The following FLI1 variants were observed in gnomAD, a reference collection of about 807,000 sequenced individuals.
The protein encoded by FLI1 is Friend leukemia integration 1 transcription factor.
FLI1 carries 13 observed loss-of-function variants against 53.1 expected under a neutral mutation model. The observed-to-expected ratio is 0.24, with a 90% CI of 0.16 to 0.39. The LOEUF (loss-of-function observed/expected upper bound fraction) is 0.39. Among genes scored for constraint, FLI1 ranks in the 10% least tolerant of loss-of-function variants. The pLI is 1.00. For synonymous variants in FLI1, 244 were observed against 236.7 expected (o/e 1.03, Z -0.28); for missense variants, 424 against 600.5 (o/e 0.71, Z 3.07).
chr11:128,713,830 T>G (rs1327262902), intron 1 of FLI1, among the ~76,000 whole-genome samples: 3 of 152,122 alleles, frequency 2.0e-5, no homozygotes, highest in Admixed American at 1.3e-4. Context: ...AAGTCTTTAC[T>G]GGATGAGTGA....
intron 1 of FLI1, chr11:128,695,933 C>T (rs754472298): frequency 1.3e-5 from 2 of 152,228 alleles, no homozygotes; most frequent in Non-Finnish European, 2.9e-5. Flanking sequence ...TCTTCTGATC[C>T]AGAAGGGTGG....
intron 1 of FLI1, among the ~76,000 whole-genome samples, chr11:128,757,088 CTTTCTTTCTTTCTT>C (rs1397143882): frequency 1.3e-3 from 194 of 147,196 alleles, no homozygotes; most frequent in East Asian, 9.8e-3. Flanking sequence ...TTCTTTCTTT[CTTTCTTTCTTTCTT>C]TCTTTCTTTC....
upstream of FLI1, chr11:128,693,514 C>A (rs917340086): frequency 5.7e-6 from 1 of 176,628 alleles, no homozygotes; most frequent in Non-Finnish European, 1.2e-5. Context: ...TCCCTCCATA[C>A]CCCCCCTACC....
chr11:128,732,802 C>G (rs1269290820), intron 1 of FLI1, among the ~76,000 whole-genome samples: 1 of 152,214 alleles, frequency 6.6e-6, no homozygotes, highest in African/African-American at 2.4e-5. Context: ...AGTAAATGAT[C>G]TCTTGGGCTT....
chr11:128,698,039 A>T (rs1938162593), intron 1 of FLI1, among the ~76,000 whole-genome samples: 2 of 152,204 alleles, frequency 1.3e-5, no homozygotes, highest in African/African-American at 4.8e-5. Flanking sequence ...TTAACTCCAG[A>T]AGAGTACAGC....
chr11:128,785,847 A>G (rs1307544447), intron 5 of FLI1, among the ~76,000 whole-genome samples: 1 of 152,186 alleles, frequency 6.6e-6, no homozygotes, highest in Non-Finnish European at 1.5e-5. Context: ...CAAGGAGTGG[A>G]AATAGGGTGT....
rs1310564760 is a variant in FLI1 at position 128,756,044 on chromosome 11, A to G, written c.19-2071A>G. On this transcript the variant is annotated intron_variant, in intron 1 of 8. Transcript: ENST00000527786. ...GGCATATGAAGAGCATTCATTCTGA[A>G]GAAGACATTCAATTCAGGAATGTGA... Among the ~76,000 whole-genome samples, 4 of 152,346 alleles carry G rather than the reference A, an allele frequency of 2.6e-5. No homozygotes were observed. In the East Asian group the frequency reaches 7.7e-4, roughly 29 times the overall value.
chr11:128,764,396 G>A (rs1244955238), intron 2 of FLI1, among the ~76,000 whole-genome samples: 1 of 152,222 alleles, frequency 6.6e-6, no homozygotes, highest in East Asian at 1.9e-4. Flanking sequence ...CTCTGCTGTG[G>A]CCTCTGTCGC....
chr11:128,766,164 G>C (rs1274208104), intron 2 of FLI1, among the ~76,000 whole-genome samples: 1 of 152,158 alleles, frequency 6.6e-6, no homozygotes. Flanking sequence ...CAGTGCACTC[G>C]GGCCAGAGCT....
At chr11:128,766,108 G>T (rs572817463) in intron 2 of FLI1, among the ~76,000 whole-genome samples, 1 of 152,336 alleles carries the variant, frequency 6.6e-6, no homozygotes, top group South Asian at 2.1e-4. Flanking sequence ...GCATGCATGT[G>T]TGTGAGTGTG....
At chr11:128,727,786 C>T (rs1051565171) in intron 1 of FLI1, among the ~76,000 whole-genome samples, 2 of 152,190 alleles carry the variant, frequency 1.3e-5, no homozygotes, top group Non-Finnish European at 2.9e-5. Flanking sequence ...ACCTCATGAG[C>T]CAGTTCCAGC....
chr11:128,720,912 TTGTC>T (rs1307813072), intron 1 of FLI1, among the ~76,000 whole-genome samples: 1 of 152,100 alleles, frequency 6.6e-6, no homozygotes, highest in Non-Finnish European at 1.5e-5. Flanking sequence ...TGAGGGCTCT[TTGTC>T]TGGCGAGCAA....
At position 128,810,098 on chromosome 11, in the gene FLI1, C is replaced by T. The variant is rs1363572475; in HGVS notation, c.830-361C>T. Among the ~76,000 whole-genome samples the T allele has an allele frequency of 6.6e-6, 1 of 151,996 alleles. No individual in the cohort carries two copies. On this transcript the variant is annotated intron_variant, in intron 8 of 8. Coordinates refer to ENST00000527786, the MANE Select transcript of FLI1 (RefSeq NM_002017.5). The surrounding 1 kb of genome is among the most constrained non-coding windows in gnomAD (Gnocchi z 6.6). ...ACTAATTAGAGATCAGTCAGTGATT[C>T]AGGCCTTTCTAGATGAAGAGATTCA...
At chr11:128,760,768 C>T (rs1189543170) in intron 2 of FLI1, among the ~76,000 whole-genome samples, 7 of 152,146 alleles carry the variant, frequency 4.6e-5, no homozygotes, top group South Asian at 2.1e-4. Context: ...CCTCATGATC[C>T]GCCTGCCTCG....
At chr11:128,685,885 A>G (rs1228555778), upstream of FLI1, among the ~76,000 whole-genome samples, 1 of 151,980 alleles carries the variant, frequency 6.6e-6, no homozygotes, top group African/African-American at 2.4e-5. Flanking sequence ...TCAGGGAGAG[A>G]CCCACTCACG....
chr11:128,769,006 C>G (rs1941458525), intron 3 of FLI1, among the ~76,000 whole-genome samples: 1 of 152,242 alleles, frequency 6.6e-6, no homozygotes. Flanking sequence ...TTCCACCTTT[C>G]CAAAATTACA....
intron 1 of FLI1, among the ~76,000 whole-genome samples, chr11:128,694,544 G>T: frequency 0.022 from 1 of 46 alleles, no homozygotes; most frequent in East Asian, 0.17. Context: ...CTGCCCGCCG[G>T]GGCTGCAGGA....
intron 1 of FLI1, among the ~76,000 whole-genome samples, chr11:128,757,629 C>T (rs913925736): frequency 3.9e-5 from 6 of 152,248 alleles, no homozygotes; most frequent in Non-Finnish European, 8.8e-5. Flanking sequence ...TTGAGCAGCA[C>T]ACCTAGCCTC....
chr11:128,692,364 C>G (rs1163676788), upstream of FLI1, among the ~76,000 whole-genome samples: 1 of 152,088 alleles, frequency 6.6e-6, no homozygotes, highest in East Asian at 1.9e-4. Flanking sequence ...CCCAGGGGAG[C>G]CCCGGAGCAG....
Sources: gnomAD v4.1 joint callset for allele counts (sites outside exome capture counted in the v4.1 genomes callset) on GRCh38, gnomAD v4.1.1 for gene constraint, Gnocchi (gnomAD v3.1) non-coding constraint, MANE v1.5 for transcripts, NCBI Gene and HGNC (gene_info 2026-07-23, HGNC 2026-07-21) for gene names.